The following PCDHA7 variants were observed in gnomAD, a reference collection of about 807,000 sequenced individuals.
PCDHA7 encodes the protein protocadherin alpha-7.
In PCDHA7, 37 loss-of-function variants were observed where a neutral mutation model predicts 57.2. The ratio of observed to expected loss-of-function variants is 0.65; its 90% confidence interval spans 0.50 to 0.85. The LOEUF (loss-of-function observed/expected upper bound fraction) is 0.85, where lower values mean the gene tolerates loss of function less well. PCDHA7 is among the 40% of genes least tolerant of loss of function. The pLI, the probability that PCDHA7 is intolerant of heterozygous loss-of-function variation, is 0.00. For missense variants in PCDHA7, 1,188 were observed against 1,241.8 expected (o/e 0.96, Z 0.65); for synonymous variants, 553 against 558.8 (o/e 0.99, Z 0.15).
chr5:140,870,903 A>G lies in PCDHA7; in HGVS notation c.2355+34165A>G, dbSNP rs182770106. On this transcript the variant is annotated intron_variant, in intron 1 of 3. Transcript: ENST00000525929. ...AGGTGCGCGCAGTGGATGCGGACTC[A>G]GGCTACAACGCGTGGCTTTCATATG... The G allele has an allele frequency of 1.9e-6, 3 of 1,613,930 alleles. No individual in the cohort carries two copies. In the East Asian group the frequency reaches 6.7e-5, roughly 36 times the overall value.
At chr5:140,870,941 C>A in intron 1 of PCDHA7, 1 of 1,613,712 alleles carries the variant, frequency 6.2e-7, no homozygotes, top group Non-Finnish European at 8.5e-7. Context: ...TTGCAGCCGG[C>A]GGCGGGCGGC....
chr5:140,945,425 G>T (rs246059), intron 1 of PCDHA7, among the ~76,000 whole-genome samples: 85,681 of 151,722 alleles, frequency 0.56, 24,785 homozygotes, highest in African/African-American at 0.69. Flanking sequence ...TTTCAATGAA[G>T]TTTTTACAGA....
At chr5:140,927,072 C>A in intron 1 of PCDHA7, 2 of 1,610,790 alleles carry the variant, frequency 1.2e-6, no homozygotes, top group Non-Finnish European at 1.7e-6. Flanking sequence ...TCCTTTCCAG[C>A]CACCGCGAGC....
intron 1 of PCDHA7, chr5:140,869,685 T>G: frequency 6.2e-7 from 1 of 1,613,500 alleles, no homozygotes; most frequent in Non-Finnish European, 8.5e-7. Flanking sequence ...GACTGTCACT[T>G]ATTTTAAAGA....
intron 1 of PCDHA7, among the ~76,000 whole-genome samples, chr5:140,907,439 A>G (rs1217956706): frequency 6.6e-6 from 1 of 152,250 alleles, no homozygotes; most frequent in Admixed American, 6.5e-5. Context: ...CTGTGAGTCC[A>G]CAGATGGTAA....
intron 3 of PCDHA7, among the ~76,000 whole-genome samples, chr5:140,988,499 C>CTT (rs2097300398): frequency 6.6e-6 from 1 of 152,138 alleles, no homozygotes; most frequent in Non-Finnish European, 1.5e-5. Context: ...CTAGGAGAAG[C>CTT]CATGAAGCTT....
chr5:140,889,029 G>A (rs540289378), intron 1 of PCDHA7, among the ~76,000 whole-genome samples: 8 of 151,946 alleles, frequency 5.3e-5, no homozygotes, highest in African/African-American at 1.2e-4. Flanking sequence ...TTGGATAACC[G>A]TAATTTGATT....
At chr5:140,981,457 C>T (rs910127197) in intron 2 of PCDHA7, among the ~76,000 whole-genome samples, 6 of 152,064 alleles carry the variant, frequency 3.9e-5, no homozygotes, top group African/African-American at 7.2e-5. Context: ...GCCTGTAGTC[C>T]CAGCTACTTG....
intron 1 of PCDHA7, among the ~76,000 whole-genome samples, chr5:140,918,556 G>A (rs1584104800): frequency 2.0e-5 from 3 of 152,302 alleles, no homozygotes; most frequent in Non-Finnish European, 4.4e-5. Context: ...CAATTGAGAA[G>A]AATGTATATT....
chr5:140,883,091 G>T, intron 1 of PCDHA7: 1 of 1,614,112 alleles, frequency 6.2e-7, no homozygotes, highest in Non-Finnish European at 8.5e-7. Context: ...TGGTACAAAT[G>T]GAGATATAGT....
rs139167552 is a variant in PCDHA7, at chr5:140,939,382, C to T, written c.2356-39567C>T. On this transcript the variant is annotated intron_variant, in intron 1 of 3. Coordinates refer to ENST00000525929, the MANE Select transcript of PCDHA7 (RefSeq NM_018910.3). ...CAAAGGAGGAGGGAACACAAACATT[C>T]AGATCATAGCAAGTTTGTGTAAATC... 3.9e-5 allele frequency among the ~76,000 whole-genome samples: 6 copies of T among 152,258 alleles called. No homozygotes were observed. The East Asian group carries it at 1.2e-3, about 29-fold the overall frequency.
chr5:140,927,257 C>T, intron 1 of PCDHA7: 1 of 1,614,152 alleles, frequency 6.2e-7, no homozygotes, highest in Non-Finnish European at 8.5e-7. Flanking sequence ...GACAACTCAC[C>T]TCTCTTTCCT....
At chr5:140,848,740 G>A (rs2150419221) in intron 1 of PCDHA7, 5 of 1,593,114 alleles carry the variant, frequency 3.1e-6, no homozygotes, top group East Asian at 2.2e-5. Context: ...CTGCAGAATG[G>A]CATTTTGTTT....
At chr5:140,989,325 G>A (rs1389327103) in intron 3 of PCDHA7, among the ~76,000 whole-genome samples, 5 of 152,164 alleles carry the variant, frequency 3.3e-5, no homozygotes, top group African/African-American at 1.2e-4. Flanking sequence ...CACCAACTTT[G>A]CCACCTGACT....
At chr5:141,006,181 G>A (rs960173277) in intron 3 of PCDHA7, among the ~76,000 whole-genome samples, 1 of 150,918 alleles carries the variant, frequency 6.6e-6, no homozygotes, top group Non-Finnish European at 1.5e-5. Flanking sequence ...TTTTAAAAGA[G>A]TTTGCTATAT....
intron 3 of PCDHA7, among the ~76,000 whole-genome samples, chr5:141,000,194 G>A (rs2097896080): frequency 6.6e-6 from 1 of 151,746 alleles, no homozygotes; most frequent in South Asian, 2.1e-4. Context: ...TGTGAGAATA[G>A]TTTTTCACCT....
chr5:140,914,262 G>A (rs1583899691), intron 1 of PCDHA7, among the ~76,000 whole-genome samples: 1 of 152,008 alleles, frequency 6.6e-6, no homozygotes, highest in Non-Finnish European at 1.5e-5. Flanking sequence ...CTTCAATGGT[G>A]GGTGCATATA....
chr5:140,977,383 G>A (rs2096759264), intron 1 of PCDHA7, among the ~76,000 whole-genome samples: 1 of 152,134 alleles, frequency 6.6e-6, no homozygotes, highest in Non-Finnish European at 1.5e-5. Context: ...ATATTTCCAG[G>A]TTTATAAAAT....
rs781889029 is a variant in PCDHA7 at position 140,870,331 on chromosome 5, AGCGCCCTGGACC to A, written c.2355+33597_2355+33608del. The A allele has an allele frequency of 4.3e-6, 7 of 1,614,160 alleles. No homozygotes were observed. The South Asian group carries it at 7.7e-5, about 18-fold the overall frequency. Reference sequence around the variant, plus strand: ...GAATTACTACTCGTTGGTGCTGGACAGCGCCCTGGACCGCGAGAACGTGTGGGCCTATGAACT... The same window carrying A: ...GAATTACTACTCGTTGGTGCTGGACAGCGAGAACGTGTGGGCCTATGAACT... On this transcript the variant is annotated intron_variant, in intron 1 of 3. Coordinates refer to ENST00000525929, the MANE Select transcript of PCDHA7 (RefSeq NM_018910.3).
Sources: allele counts gnomAD v4.1 joint callset (sites outside exome capture counted in the v4.1 genomes callset), GRCh38; gene constraint gnomAD v4.1.1; transcripts MANE v1.5; gene names NCBI Gene and HGNC (gene_info 2026-07-23, HGNC 2026-07-21).